TRIM24: variants seen among roughly 807,000 people sequenced by gnomAD.
TRIM24 encodes transcription intermediary factor 1-alpha.
In TRIM24, 29 loss-of-function variants were observed where a neutral mutation model predicts 123.9. That is an observed-to-expected ratio of 0.23 (90% CI 0.17 to 0.32). The LOEUF (loss-of-function observed/expected upper bound fraction) is 0.32, where lower values mean the gene tolerates loss of function less well. Among genes scored for constraint, TRIM24 ranks in the 10% least tolerant of loss-of-function variants. TRIM24 has a pLI of 1.00. For synonymous variants in TRIM24, 456 were observed against 461.1 expected, an observed-to-expected ratio of 0.99 and a Z score of 0.14; for missense variants, 932 against 1,295.3, an observed-to-expected ratio of 0.72 and a Z score of 4.31.
chr7:138,460,928 G>T lies in TRIM24; in HGVS notation c.364+16G>T. The T allele has an allele frequency of 7.0e-7, 1 of 1,423,622 alleles. No homozygotes were observed. The highest frequency in any genetic ancestry group is 9.1e-7 in the Non-Finnish European group (1 of 1,097,872). 88.2% of individuals were successfully genotyped at this position (1,423,622 alleles called of 1,614,324 possible). Reference sequence around the variant, plus strand: ...GCCACCCAAGGTGAGAACCGGCCGCGGCCGCTGGGGAGCCCGGGGAGAGGG... The same window carrying T: ...GCCACCCAAGGTGAGAACCGGCCGCTGCCGCTGGGGAGCCCGGGGAGAGGG... On this transcript the variant is annotated intron_variant, in intron 1 of 18. Coordinates refer to ENST00000343526, the MANE Select transcript of TRIM24 (RefSeq NM_015905.3).
intron 9 of TRIM24, among the ~76,000 whole-genome samples, chr7:138,558,285 T>C (rs770724999): frequency 6.6e-6 from 1 of 152,182 alleles, no homozygotes; most frequent in Non-Finnish European, 1.5e-5. Context: ...TGTTGTTTCA[T>C]TGTAATATTG....
chr7:138,510,990 C>T (rs1039908957), intron 2 of TRIM24, among the ~76,000 whole-genome samples: 1 of 152,200 alleles, frequency 6.6e-6, no homozygotes, highest in African/African-American at 2.4e-5. Flanking sequence ...GATTATCCTT[C>T]CTTTTTAAAT....
chr7:138,567,559 C>A lies in TRIM24; in HGVS notation c.1609C>A (p.Gln537Lys). 6.2e-7 allele frequency: 1 copy of A among 1,614,068 alleles called. No homozygotes were observed. Among genetic ancestry groups the A allele is most frequent in the South Asian group, 1.1e-5 (1 of 91,076 alleles). The part of the protein sequence containing the change: ...NGPVLPPHPQ[Q>K]LRYPPNQNIP... ...ACCAGTTCTTCCTCCTCATCCTCAA[C>A]AACTGAGATATCCACCAAACCAGAA... Residue 537 changes from glutamine to lysine, a missense_variant, in exon 10 of 19, where the codon CAA (glutamine) becomes AAA (lysine). By Grantham distance (53) the Gln-to-Lys change is moderately conservative (BLOSUM62 1). Coordinates refer to ENST00000343526, the MANE Select transcript of TRIM24 (RefSeq NM_015905.3).
chr7:138,556,416 CA>C (rs1397360276), intron 9 of TRIM24: 3 of 151,850 alleles, frequency 2.0e-5, no homozygotes, highest in Admixed American at 6.6e-5. Context: ...TAGTAAATTC[CA>C]AAAATAGGAA....
At chr7:138,558,759 G>A (rs758555058) in intron 9 of TRIM24, among the ~76,000 whole-genome samples, 5 of 152,170 alleles carry the variant, frequency 3.3e-5, no homozygotes, top group Non-Finnish European at 7.3e-5. Flanking sequence ...AGTCCATATG[G>A]GCAGACCTGG....
At chr7:138,507,581 C>G (rs1210583530) in intron 2 of TRIM24, among the ~76,000 whole-genome samples, 1 of 151,466 alleles carries the variant, frequency 6.6e-6, no homozygotes, top group African/African-American at 2.4e-5. Context: ...CCTCAGCCTC[C>G]CAAAGTGCTG....
intron 11 of TRIM24, among the ~76,000 whole-genome samples, chr7:138,572,094 ATTTG>A (rs1797669570): frequency 6.6e-6 from 1 of 152,144 alleles, no homozygotes; most frequent in Non-Finnish European, 1.5e-5. Flanking sequence ...TATTTTCATT[ATTTG>A]TTTTTCAAGT....
chr7:138,586,105 A>C lies in TRIM24; in HGVS notation c.*1154A>C. ...CTGATTTTATTCTTCTGATTGATTG[A>C]TAGAGGTACAAAAGACTTATCTTCT... On this transcript the variant is annotated 3_prime_UTR_variant, in exon 19 of 19. Transcript: ENST00000343526. 5.3e-6 allele frequency: 2 copies of C among 375,482 alleles called. No homozygotes were observed. The highest frequency in any genetic ancestry group is 4.1e-5 in the South Asian group (2 of 48,250). The allele number at this position is 375,482 out of a possible 1,614,324, so 23.3% of individuals were successfully genotyped here. A position where few individuals can be genotyped will look rare whatever the true frequency, so the allele number is the denominator to read the frequency against.
intron 1 of TRIM24, among the ~76,000 whole-genome samples, chr7:138,466,525 C>T (rs187472925): frequency 3.5e-5 from 4 of 114,524 alleles, no homozygotes; most frequent in East Asian, 2.7e-4. Flanking sequence ...AGTGCAGTGG[C>T]GCCATCTCAG....
rs1420592127 is a variant in TRIM24, at chr7:138,551,067, C to T, written c.1148C>T (p.Thr383Ile). Residue 383 changes from threonine to isoleucine, a missense_variant, in exon 8 of 19, where the codon ACA (threonine) becomes ATA (isoleucine). By Grantham distance (89) the Thr-to-Ile change is moderately conservative (BLOSUM62 -1). Around this residue, in one of 7 missense-constraint regions of TRIM24, gnomAD observed 527 missense variants for 691.3 expected, o/e 0.76. Coordinates refer to ENST00000343526, the MANE Select transcript of TRIM24 (RefSeq NM_015905.3). ...TALLYSKRLI[T>I]YRLRHLLRAR... ...TATCTCTCCTTTTTCTTCTAGATTA[C>T]ATACCGGTTACGGCACCTCCTTCGT... 1.9e-6 allele frequency: 3 copies of T among 1,613,070 alleles called. No homozygotes were observed. Among genetic ancestry groups the T allele is most frequent in the Non-Finnish European group, 2.5e-6 (3 of 1,179,238 alleles).
chr7:138,478,446 C>T (rs1795452114), intron 1 of TRIM24, among the ~76,000 whole-genome samples: 1 of 152,078 alleles, frequency 6.6e-6, no homozygotes, highest in African/African-American at 2.4e-5. Context: ...CAAGACCAGC[C>T]TGAGCAGCAT....
At chr7:138,529,920 C>T (rs946040049) in intron 6 of TRIM24, among the ~76,000 whole-genome samples, 2 of 151,672 alleles carry the variant, frequency 1.3e-5, no homozygotes, top group African/African-American at 2.4e-5. Flanking sequence ...CATATTGATA[C>T]AGTAAAGAAG....
At chr7:138,561,400 G>T (rs1162730039) in intron 9 of TRIM24, among the ~76,000 whole-genome samples, 1 of 152,224 alleles carries the variant, frequency 6.6e-6, no homozygotes, top group East Asian at 1.9e-4. Context: ...TTCCAAATCA[G>T]TTGGGAGCAA....
intron 1 of TRIM24, among the ~76,000 whole-genome samples, chr7:138,493,019 CT>C (rs1446627509): frequency 6.6e-6 from 1 of 152,142 alleles, no homozygotes; most frequent in Non-Finnish European, 1.5e-5. Flanking sequence ...TGCCATTGTA[CT>C]GCTGTATGAA....
rs1584752822 is a variant in TRIM24, at chr7:138,584,666, A to G, written c.2944-76A>G. On this transcript the variant is annotated intron_variant, in intron 18 of 18. Coordinates refer to ENST00000343526, the MANE Select transcript of TRIM24 (RefSeq NM_015905.3). Reference sequence around the variant, plus strand: ...TGACTATGCATGAACACTTTTCAAAACAGCTCATTAATATATATAATCTCA... The same window carrying G: ...TGACTATGCATGAACACTTTTCAAAGCAGCTCATTAATATATATAATCTCA... 4.2e-6 allele frequency: 5 copies of G among 1,196,126 alleles called. No homozygotes were observed. In the East Asian group the frequency reaches 1.3e-4, roughly 30 times the overall value. 74.1% of individuals were successfully genotyped at this position (1,196,126 alleles called of 1,614,324 possible).
Position 138,577,599 on chromosome 7 carries a change from A to G in TRIM24, c.2256+11A>G. 2 of 1,591,002 alleles carry G rather than the reference A, an allele frequency of 1.3e-6. No homozygotes were observed. The highest frequency in any genetic ancestry group is 1.7e-6 in the Non-Finnish European group (2 of 1,169,736). On this transcript the variant is annotated intron_variant, in intron 14 of 18. Coordinates refer to ENST00000343526, the MANE Select transcript of TRIM24 (RefSeq NM_015905.3). ...TCTAGGCCTCAAAATGTAATTATGA[A>G]TGCTTGCAATGCTATTCCTATGCAT... is the stretch of plus-strand genomic sequence containing the variant.
chr7:138,560,620 GA>G (rs960386557), intron 9 of TRIM24, among the ~76,000 whole-genome samples: 2 of 152,198 alleles, frequency 1.3e-5, no homozygotes, highest in African/African-American at 2.4e-5. Context: ...ACAGCACATA[GA>G]AATGGTGTCC....
chr7:138,521,186 C>G (rs189177037), intron 4 of TRIM24, among the ~76,000 whole-genome samples: 1 of 152,204 alleles, frequency 6.6e-6, no homozygotes, highest in Non-Finnish European at 1.5e-5. Context: ...TAAAGTACCT[C>G]TTAGTAGAAG....
intron 1 of TRIM24, among the ~76,000 whole-genome samples, chr7:138,488,004 A>C (rs1795686885): frequency 6.6e-6 from 1 of 152,008 alleles, no homozygotes; most frequent in Admixed American, 6.6e-5. Context: ...GCTCTTAATT[A>C]TTGCCTCAAT....
Sources: allele counts gnomAD v4.1 joint callset (sites outside exome capture counted in the v4.1 genomes callset), GRCh38; gene constraint gnomAD v4.1.1; regional missense constraint gnomAD v4.1.1; transcripts MANE v1.5; gene names NCBI Gene and HGNC (gene_info 2026-07-23, HGNC 2026-07-21).